Variants in CADPS2 observed in about 807,000 individuals in gnomAD.
The protein encoded by CADPS2 is calcium-dependent secretion activator 2.
CADPS2 carries 93 observed loss-of-function variants against 172.5 expected under a neutral mutation model. That is an observed-to-expected ratio of 0.54 (90% CI 0.46 to 0.64). CADPS2 has a LOEUF of 0.64. Ranked by LOEUF, CADPS2 falls within the 30% of genes least tolerant of loss-of-function variation. The pLI is 0.00. For missense variants in CADPS2, 1,420 were observed against 1,565.9 expected (o/e 0.91, Z 1.57); for synonymous variants, 546 against 555.2 (o/e 0.98, Z 0.23).
chr7:122,650,287 A>T (rs2079022130), intron 3 of CADPS2, among the ~76,000 whole-genome samples: 1 of 152,016 alleles, frequency 6.6e-6, no homozygotes, highest in Admixed American at 6.6e-5. Flanking sequence ...TATTTTCATT[A>T]AACAACCATG....
At chr7:122,624,139 C>A (rs1358933462) in intron 4 of CADPS2, among the ~76,000 whole-genome samples, 1 of 152,122 alleles carries the variant, frequency 6.6e-6, no homozygotes. Context: ...CTCTATTCAG[C>A]CTGCTTGTGT....
chr7:122,840,472 T>C (rs977454401), intron 1 of CADPS2, among the ~76,000 whole-genome samples: 2 of 151,638 alleles, frequency 1.3e-5, no homozygotes, highest in African/African-American at 4.8e-5. Flanking sequence ...AATCAGAATG[T>C]AGACTCACAT....
chr7:122,630,051 A>G (rs2076428569), intron 3 of CADPS2, among the ~76,000 whole-genome samples: 1 of 152,022 alleles, frequency 6.6e-6, no homozygotes. Flanking sequence ...TCACCCATTC[A>G]CTCAATATTA....
In CADPS2 at chr7:122,554,555, A is replaced by G. The variant is rs374588491; in HGVS notation, c.1470T>C (p.His490=). ...ATCCTCAAATTTATACTCACCCACTATGCTTCATATGTGCTGGTTTATCCA... is the reference window on the plus strand; with the variant it reads ...ATCCTCAAATTTATACTCACCCACTGTGCTTCATATGTGCTGGTTTATCCA... ...VRMDKPAHMK[H]SGYLYALGQK... Residue 490 remains histidine, a synonymous_variant, in exon 8 of 30, where the codon CAT becomes CAC. Coordinates refer to ENST00000449022, the MANE Select transcript of CADPS2 (RefSeq NM_017954.11). 17 of 1,591,720 alleles carry G rather than the reference A, an allele frequency of 1.1e-5. No individual in the cohort carries two copies. Among genetic ancestry groups the G allele is most frequent in the Middle Eastern group, 1.7e-4 (1 of 5,954 alleles).
chr7:122,399,629 C>G (rs1056164777), intron 20 of CADPS2, among the ~76,000 whole-genome samples: 41 of 132,220 alleles, frequency 3.1e-4, no homozygotes, highest in African/African-American at 1.1e-3. Context: ...ACAGCTATAT[C>G]ATGATCGATA....
intron 6 of CADPS2, among the ~76,000 whole-genome samples, chr7:122,587,675 T>C (rs2069970338): frequency 6.6e-6 from 1 of 152,110 alleles, no homozygotes. Context: ...CTATTGTGAA[T>C]AGTGCTGCAA....
intron 24 of CADPS2, among the ~76,000 whole-genome samples, chr7:122,384,334 G>C (rs1007966424): frequency 2.6e-5 from 4 of 152,072 alleles, no homozygotes; most frequent in African/African-American, 9.7e-5. Context: ...AGATTTTGGA[G>C]AGGTAATTTC....
chr7:122,569,534 T>C (rs1482763524), intron 7 of CADPS2, among the ~76,000 whole-genome samples: 4 of 138,594 alleles, frequency 2.9e-5, no homozygotes, highest in East Asian at 4.3e-4. Flanking sequence ...AAAACTACTT[T>C]AAAGTTCATA....
intron 9 of CADPS2, among the ~76,000 whole-genome samples, chr7:122,492,200 ATTAAT>A (rs2058356129): frequency 6.6e-6 from 1 of 150,548 alleles, no homozygotes; most frequent in Admixed American, 6.6e-5. Context: ...AAATAAATAA[ATTAAT>A]TAATTAATTA....
At chr7:122,702,687 T>G in intron 2 of CADPS2, 2 of 1,612,960 alleles carry the variant, frequency 1.2e-6, no homozygotes, top group Non-Finnish European at 1.7e-6. Flanking sequence ...AGAAAGATAC[T>G]AAGCCTCAAA....
At chr7:122,365,140 A>AT (rs2040690038) in intron 25 of CADPS2, among the ~76,000 whole-genome samples, 1 of 152,140 alleles carries the variant, frequency 6.6e-6, no homozygotes, top group Non-Finnish European at 1.5e-5. Flanking sequence ...ACGAAGCAGC[A>AT]TTGGCTTATA....
intron 1 of CADPS2, among the ~76,000 whole-genome samples, chr7:122,810,920 T>C (rs957250653): frequency 6.6e-6 from 1 of 152,186 alleles, no homozygotes; most frequent in African/African-American, 2.4e-5. Context: ...AATACTGATT[T>C]AGCTGTTTGT....
intron 24 of CADPS2, among the ~76,000 whole-genome samples, chr7:122,381,793 A>C (rs920195564): frequency 6.6e-6 from 1 of 152,182 alleles, no homozygotes; most frequent in Non-Finnish European, 1.5e-5. Context: ...ATGAATGAAC[A>C]AAAACAAACA....
intron 3 of CADPS2, among the ~76,000 whole-genome samples, chr7:122,659,312 A>G (rs1045923195): frequency 6.5e-5 from 9 of 138,628 alleles, no homozygotes; most frequent in Non-Finnish European, 9.8e-5. Flanking sequence ...GCTAGACATA[A>G]AAAAAAAAAA....
chr7:122,536,616 G>A (rs563228891), intron 8 of CADPS2, among the ~76,000 whole-genome samples: 74 of 152,096 alleles, frequency 4.9e-4, no homozygotes, highest in Middle Eastern at 3.4e-3. Flanking sequence ...ACTGATGAGG[G>A]TCAGTAACTG....
At chr7:122,386,234 T>A (rs2043653164) in intron 24 of CADPS2, 1 of 1,106,132 alleles carries the variant, frequency 9.0e-7, no homozygotes, top group Admixed American at 3.2e-5. Flanking sequence ...ATAAAAAATA[T>A]ACATTTACAA....
chr7:122,853,797 G>A lies in CADPS2; in HGVS notation c.339+32202C>T, dbSNP rs1189501759. The stretch of plus-strand genomic sequence containing the variant: ...TGACAGGAGAGATGGAAGAAGAGAG[G>A]GGAAGCAGGAGCGAAAAGCGGATGT... On this transcript the variant is annotated intron_variant, in intron 1 of 29. Coordinates refer to ENST00000449022, the MANE Select transcript of CADPS2 (RefSeq NM_017954.11). Among the ~76,000 whole-genome samples, 8 of 152,308 alleles carry A rather than the reference G, an allele frequency of 5.3e-5. No homozygotes were observed. The South Asian group carries it at 1.4e-3, about 28-fold the overall frequency.
At chr7:122,527,615 A>AGG (rs1356293722) in intron 8 of CADPS2, among the ~76,000 whole-genome samples, 3 of 94,242 alleles carry the variant, frequency 3.2e-5, no homozygotes, top group South Asian at 3.4e-4. Flanking sequence ...AGAGAGAGAG[A>AGG]GAGTGTGTGT....
Position 122,554,500 on chromosome 7 carries a change from T to A in CADPS2, c.1475+50A>T, listed in dbSNP as rs1405026069. 2.0e-6 allele frequency: 3 copies of A among 1,524,626 alleles called. No homozygotes were observed. In the African/African-American group the frequency reaches 4.2e-5, roughly 21 times the overall value. The allele number at this position is 1,524,626 out of a possible 1,614,324, so 94.4% of individuals were successfully genotyped here. On this transcript the variant is annotated intron_variant, in intron 8 of 29. Transcript: ENST00000449022. Reference sequence around the variant, plus strand: ...CACTAAACTGACAAAAATAATACACTGAAATGAAATTCAATAATTCAGGAA... The same window carrying A: ...CACTAAACTGACAAAAATAATACACAGAAATGAAATTCAATAATTCAGGAA...
Sources: gnomAD v4.1 joint callset for allele counts (sites outside exome capture counted in the v4.1 genomes callset) on GRCh38, gnomAD v4.1.1 for gene constraint, MANE v1.5 for transcripts, NCBI Gene and HGNC (gene_info 2026-07-23, HGNC 2026-07-21) for gene names.